MAD1L1: variants seen among roughly 807,000 people sequenced by gnomAD.
MAD1L1 encodes mitotic spindle assembly checkpoint protein MAD1.
A neutral mutation model predicts 96.9 loss-of-function variants in MAD1L1; 95 were observed. The ratio of observed to expected loss-of-function variants is 0.98; its 90% CI spans 0.83 to 1.16. The LOEUF is 1.16. MAD1L1 is among the 50% of genes most tolerant of loss of function. The probability of loss-of-function intolerance (pLI) is 0.00; values close to 1 mark genes in which losing one functional copy is unlikely to be tolerated. For missense variants in MAD1L1, 1,007 were observed against 954.4 expected (o/e 1.06, Z -0.73); for synonymous variants, 473 against 396.6 (o/e 1.19, Z -2.29).
At position 1,828,728 on chromosome 7, in the gene MAD1L1, C is replaced by T. The variant is rs527250971; in HGVS notation, c.1999-12500G>A. On this transcript the variant is annotated intron_variant, in intron 18 of 18. Transcript: ENST00000265854. ...ACACACACGTGCATGCACAGGCACA[C>T]GCACACATGCACACACAGCCTCGCA... Among the ~76,000 whole-genome samples, 10 of 152,002 alleles carry T rather than the reference C, an allele frequency of 6.6e-5. No homozygotes were observed. In the South Asian group the frequency reaches 1.7e-3, roughly 25 times the overall value.
chr7:2,108,311 C>T (rs147089924), intron 11 of MAD1L1, among the ~76,000 whole-genome samples: 5 of 152,306 alleles, frequency 3.3e-5, no homozygotes, highest in South Asian at 2.1e-4. Flanking sequence ...AGCGCTCCGA[C>T]GGTTTTGGTT....
chr7:2,011,408 G>C (rs1050914559), intron 13 of MAD1L1, among the ~76,000 whole-genome samples: 1 of 152,152 alleles, frequency 6.6e-6, no homozygotes, highest in Admixed American at 6.5e-5. Context: ...TTAGTTCCCA[G>C]AGTTGGGGCC....
At chr7:1,955,655 TG>T (rs1779693435) in intron 16 of MAD1L1, among the ~76,000 whole-genome samples, 1 of 152,142 alleles carries the variant, frequency 6.6e-6, no homozygotes, top group African/African-American at 2.4e-5. Flanking sequence ...CCCAGCACGG[TG>T]ACAACAAGCC....
At chr7:2,062,600 A>T (rs1462031958) in intron 12 of MAD1L1, among the ~76,000 whole-genome samples, 2 of 151,848 alleles carry the variant, frequency 1.3e-5, no homozygotes, top group African/African-American at 2.4e-5. Context: ...AGGGAAGTGA[A>T]GTCAGGAGGC....
chr7:1,910,304 G>C lies in MAD1L1; in HGVS notation c.1808-11914C>G, dbSNP rs183055503. Among the ~76,000 whole-genome samples the C allele has an allele frequency of 4.2e-4, 64 of 152,326 alleles. 2 individuals carry two copies. The East Asian group carries it at 0.011, about 26-fold the overall frequency. On this transcript the variant is annotated intron_variant, in intron 17 of 18. Coordinates refer to ENST00000265854, the MANE Select transcript of MAD1L1 (RefSeq NM_001013836.2). ...GTGATCCTCCGGACACCCTGCATATGTGGGGGGACGTGGCACCTGCTGAAT... is the reference window on the plus strand; with the variant it reads ...GTGATCCTCCGGACACCCTGCATATCTGGGGGGACGTGGCACCTGCTGAAT...
intron 17 of MAD1L1, among the ~76,000 whole-genome samples, chr7:1,909,609 A>T (rs941660309): frequency 5.9e-5 from 9 of 152,238 alleles, no homozygotes; most frequent in African/African-American, 2.2e-4. Flanking sequence ...CATGCCCCAC[A>T]GCGCCCCACC....
intron 10 of MAD1L1, among the ~76,000 whole-genome samples, chr7:2,183,977 G>T (rs562640844): frequency 6.6e-6 from 1 of 152,012 alleles, no homozygotes; most frequent in Non-Finnish European, 1.5e-5. Flanking sequence ...TCAGCCGGGC[G>T]CAGTGGCTCA....
intron 17 of MAD1L1, among the ~76,000 whole-genome samples, chr7:1,914,775 G>A (rs944704146): frequency 3.5e-4 from 17 of 48,442 alleles, no homozygotes; most frequent in South Asian, 3.2e-3. Context: ...TACCACACCC[G>A]GCTAATTATT....
At chr7:2,157,289 G>T (rs1789894453) in intron 10 of MAD1L1, among the ~76,000 whole-genome samples, 1 of 152,200 alleles carries the variant, frequency 6.6e-6, no homozygotes, top group Admixed American at 6.5e-5. Context: ...CAGCAGTGCA[G>T]GTCACCGTGA....
At position 2,222,568 on chromosome 7, in the gene MAD1L1, C is replaced by G. The variant is rs777545265; in HGVS notation, c.471+7G>C. The G allele has an allele frequency of 2.8e-5, 45 of 1,587,098 alleles. No individual in the cohort carries two copies. The highest frequency in any genetic ancestry group is 3.6e-5 in the Non-Finnish European group (42 of 1,166,266). ...ACAGCTCCCTGCGCAGCAGAGGCCCCGCTCACCTCGCCAGCCTGGGCCAGA... is the reference window on the plus strand; with the variant it reads ...ACAGCTCCCTGCGCAGCAGAGGCCCGGCTCACCTCGCCAGCCTGGGCCAGA... On this transcript the variant is annotated splice_region_variant and intron_variant, in intron 5 of 18. Coordinates refer to ENST00000265854, the MANE Select transcript of MAD1L1 (RefSeq NM_001013836.2).
chr7:2,030,061 G>C (rs1385186224), intron 12 of MAD1L1, among the ~76,000 whole-genome samples: 1 of 152,222 alleles, frequency 6.6e-6, no homozygotes, highest in Admixed American at 6.5e-5. Context: ...TCAGGGAGCA[G>C]ATGGAAATCG....
chr7:2,195,561 G>GC (rs1014697465), intron 10 of MAD1L1, among the ~76,000 whole-genome samples: 26 of 152,204 alleles, frequency 1.7e-4, no homozygotes, highest in Non-Finnish European at 2.9e-5. Flanking sequence ...GTGGAAGCCT[G>GC]CCCCTCCCTT....
At chr7:2,173,011 T>C (rs1278957981) in intron 10 of MAD1L1, among the ~76,000 whole-genome samples, 1 of 152,206 alleles carries the variant, frequency 6.6e-6, no homozygotes, top group Non-Finnish European at 1.5e-5. Flanking sequence ...AATCTCCTTT[T>C]CTTCCATGTA....
chr7:2,102,146 T>C (rs1333281742), intron 11 of MAD1L1, among the ~76,000 whole-genome samples: 1 of 152,010 alleles, frequency 6.6e-6, no homozygotes, highest in Non-Finnish European at 1.5e-5. Context: ...GTCCTGCCAC[T>C]GCACCCACCA....
At chr7:1,907,903 G>A (rs1787769257) in intron 17 of MAD1L1, among the ~76,000 whole-genome samples, 1 of 152,204 alleles carries the variant, frequency 6.6e-6, no homozygotes, top group African/African-American at 2.4e-5. Context: ...AAGATCACCT[G>A]AGCATGGTCC....
At chr7:2,018,436 C>T (rs1238175817) in intron 12 of MAD1L1, among the ~76,000 whole-genome samples, 1 of 152,244 alleles carries the variant, frequency 6.6e-6, no homozygotes, top group African/African-American at 2.4e-5. Flanking sequence ...ACTACAGCTG[C>T]TCGTGAAAGA....
At chr7:2,123,516 G>A (rs1222561807) in intron 11 of MAD1L1, among the ~76,000 whole-genome samples, 2 of 152,104 alleles carry the variant, frequency 1.3e-5, no homozygotes, top group Admixed American at 1.3e-4. Flanking sequence ...GCTGGTGACG[G>A]TAGGGTTTCC....
chr7:1,893,380 C>T (rs1414293656), intron 18 of MAD1L1, among the ~76,000 whole-genome samples: 1 of 152,212 alleles, frequency 6.6e-6, no homozygotes, highest in African/African-American at 2.4e-5. Context: ...TGACTGGAAA[C>T]GGCTTCGGCT....
intron 12 of MAD1L1, among the ~76,000 whole-genome samples, chr7:2,033,369 C>T (rs1279269361): frequency 6.6e-6 from 1 of 152,210 alleles, no homozygotes; most frequent in African/African-American, 2.4e-5. Flanking sequence ...CTCCATGGAG[C>T]AAGGCCCTGA....
Sources: gnomAD v4.1 joint callset for allele counts (sites outside exome capture counted in the v4.1 genomes callset) on GRCh38, gnomAD v4.1.1 for gene constraint, MANE v1.5 for transcripts, NCBI Gene and HGNC (gene_info 2026-07-23, HGNC 2026-07-21) for gene names.